The following ZBBX variants were observed in gnomAD, a reference collection of about 807,000 sequenced individuals.
ZBBX encodes zinc finger B-box domain containing.
Under a neutral mutation model 108.5 loss-of-function variants are expected in ZBBX, and 101 were observed. The ratio of observed to expected loss-of-function variants is 0.93; its 90% CI spans 0.79 to 1.10. The LOEUF (loss-of-function observed/expected upper bound fraction) is 1.10. ZBBX is among the 50% of genes least tolerant of loss of function. The pLI, the probability that ZBBX is intolerant of heterozygous loss-of-function variation, is 0.00. For synonymous variants in ZBBX, 356 were observed against 323.4 expected (o/e 1.10, Z -1.08); for missense variants, 1,009 against 941.4 (o/e 1.07, Z -0.94).
At chr3:167,387,745 G>A (rs1747962370) in intron 1 of ZBBX, among the ~76,000 whole-genome samples, 1 of 151,960 alleles carries the variant, frequency 6.6e-6, no homozygotes, top group South Asian at 2.1e-4. Context: ...GGCCAAAGCA[G>A]AGGAAGCAAA....
the ZBBX span, among the ~76,000 whole-genome samples, chr3:167,204,196 TTC>T: frequency 0.011 from 1,478 of 133,724 alleles, 11 homozygotes; most frequent in South Asian, 0.017. Flanking sequence ...TTTTCTTTTT[TTC>T]TTTTTTTTTT....
At chr3:167,392,480 C>T (rs375447139) in intron 1 of ZBBX, among the ~76,000 whole-genome samples, 19 of 151,820 alleles carry the variant, frequency 1.3e-4, no homozygotes, top group South Asian at 8.3e-4. Context: ...TTATATTTAA[C>T]TTTATAAGAA....
the ZBBX span, among the ~76,000 whole-genome samples, chr3:167,193,579 T>C: frequency 1.3e-5 from 2 of 152,106 alleles, no homozygotes; most frequent in Admixed American, 1.3e-4. Flanking sequence ...ATGTTTGTTT[T>C]TGGTTTTCTG....
At chr3:167,284,750 A>C (rs1019121501) in intron 19 of ZBBX, among the ~76,000 whole-genome samples, 1 of 152,180 alleles carries the variant, frequency 6.6e-6, no homozygotes, top group African/African-American at 2.4e-5. Flanking sequence ...AAATATGCTC[A>C]AAGTGTAATT....
the ZBBX span, among the ~76,000 whole-genome samples, chr3:167,230,926 C>G: frequency 0.8 from 122,075 of 151,652 alleles, 49,426 homozygotes; most frequent in East Asian, 0.91. Context: ...AGTGGTGGAG[C>G]CAGTTAGAAG....
intron 10 of ZBBX, among the ~76,000 whole-genome samples, chr3:167,330,563 G>C (rs1738255397): frequency 6.6e-6 from 1 of 151,964 alleles, no homozygotes; most frequent in Admixed American, 6.6e-5. Flanking sequence ...TTATGAAGTT[G>C]AGGCCTTAAT....
intron 17 of ZBBX, 131 bp downstream of exon 17, chr3:167,305,512 T>A: frequency 1.5e-6 from 1 of 673,510 alleles, no homozygotes; most frequent in Non-Finnish European, 2.2e-6. Flanking sequence ...TCTTCAACTA[T>A]CTCATAATAA....
intron 18 of ZBBX, among the ~76,000 whole-genome samples, chr3:167,291,118 G>C (rs536999899): frequency 6.6e-5 from 10 of 152,156 alleles, no homozygotes; most frequent in African/African-American, 2.4e-4. Flanking sequence ...ATGGAACCAA[G>C]TTGGGAAACA....
At chr3:167,229,627 G>C in the ZBBX span, among the ~76,000 whole-genome samples, 2 of 151,806 alleles carry the variant, frequency 1.3e-5, no homozygotes, top group Admixed American at 1.3e-4. Flanking sequence ...AAGGCCCCAT[G>C]CTGGCTTTAG....
intron 9 of ZBBX, among the ~76,000 whole-genome samples, chr3:167,334,479 C>T (rs1739217044): frequency 6.6e-6 from 1 of 152,044 alleles, no homozygotes; most frequent in Admixed American, 6.6e-5. Flanking sequence ...GAGGCTGAGA[C>T]AGGAGGATTG....
the ZBBX span, among the ~76,000 whole-genome samples, chr3:167,218,716 AAAG>A: frequency 6.6e-6 from 1 of 152,102 alleles, no homozygotes; most frequent in African/African-American, 2.4e-5. Flanking sequence ...AAAAGAATAA[AAAG>A]AAGACCACAA....
At chr3:167,235,635 T>C (rs953867631), downstream of ZBBX, among the ~76,000 whole-genome samples, 1 of 151,640 alleles carries the variant, frequency 6.6e-6, no homozygotes, top group African/African-American at 2.4e-5. Flanking sequence ...TAACTGTTAC[T>C]ATACATTTGA....
chr3:167,385,328 G>A (rs1747878030), intron 1 of ZBBX, among the ~76,000 whole-genome samples: 1 of 151,836 alleles, frequency 6.6e-6, no homozygotes, highest in Non-Finnish European at 1.5e-5. Flanking sequence ...CACAGAAAAA[G>A]GACTGCCAAA....
At chr3:167,345,287 T>A (rs1741240206) in intron 9 of ZBBX, among the ~76,000 whole-genome samples, 1 of 151,852 alleles carries the variant, frequency 6.6e-6, no homozygotes, top group East Asian at 1.9e-4. Context: ...GATATGATAG[T>A]CGATAGCAAC....
At chr3:167,317,360 A>G (rs1332264273) in intron 13 of ZBBX, 128 bp downstream of exon 13, 1 of 719,654 alleles carries the variant, frequency 1.4e-6, no homozygotes, top group Non-Finnish European at 2.2e-6. Flanking sequence ...TCATCTAAAG[A>G]GAAAAGATTA....
chr3:167,312,799 A>C (rs1734814281), intron 16 of ZBBX, among the ~76,000 whole-genome samples: 1 of 152,196 alleles, frequency 6.6e-6, no homozygotes, highest in Non-Finnish European at 1.5e-5. Context: ...TTAGTGGTTT[A>C]GTATTTGAAA....
chr3:167,194,854 T>C, the ZBBX span, among the ~76,000 whole-genome samples: 1 of 152,174 alleles, frequency 6.6e-6, no homozygotes, highest in Non-Finnish European at 1.5e-5. Flanking sequence ...AGCTCAAGCT[T>C]CAGGCCTTTC....
chr3:167,209,964 C>T, the ZBBX span, among the ~76,000 whole-genome samples: 1 of 152,094 alleles, frequency 6.6e-6, no homozygotes. Flanking sequence ...GTGGCATGTG[C>T]CTGTAGTCCC....
intron 9 of ZBBX, among the ~76,000 whole-genome samples, chr3:167,340,683 C>T (rs1350656227): frequency 6.6e-6 from 1 of 151,668 alleles, no homozygotes; most frequent in African/African-American, 2.4e-5. Flanking sequence ...AAGTTTTCAT[C>T]TACTGTTAGA....
Sources: gnomAD v4.1 joint callset for allele counts (sites outside exome capture counted in the v4.1 genomes callset) on GRCh38, gnomAD v4.1.1 for gene constraint, MANE v1.5 for transcripts, NCBI Gene and HGNC (gene_info 2026-07-23, HGNC 2026-07-21) for gene names.